Variants in METTL8 observed in about 807,000 individuals in gnomAD.
METTL8 encodes methyltransferase 8, tRNA N3-cytidine, also known as tRNA N(3)-cytidine methyltransferase METTL8, mitochondrial.
METTL8 carries 32 observed loss-of-function variants against 48.7 expected under a neutral mutation model. The ratio of observed to expected loss-of-function variants is 0.66; its 90% CI spans 0.50 to 0.88. The LOEUF is 0.88. Ranked by LOEUF, METTL8 falls within the 40% of genes least tolerant of loss-of-function variation. METTL8 has a pLI of 0.00. For synonymous variants in METTL8, 136 were observed against 157.1 expected (o/e 0.87, Z 1.01); for missense variants, 464 against 474.4 (o/e 0.98, Z 0.20).
intron 6 of METTL8, 72 bp from the exon 7 acceptor site, chr2:171,330,770 A>C: frequency 2.3e-6 from 3 of 1,302,050 alleles, no homozygotes; most frequent in South Asian, 3.0e-5. Flanking sequence ...TTTTTAAATA[A>C]AAAGGTCAAA....
chr2:171,357,700 CT>C (rs937720887), intron 3 of METTL8, among the ~76,000 whole-genome samples: 188 of 144,392 alleles, frequency 1.3e-3, no homozygotes, highest in Middle Eastern at 3.6e-3. Flanking sequence ...TTTTCTCTCT[CT>C]TTTTTTTTTT....
At chr2:171,389,839 A>G (rs977178857) in intron 2 of METTL8, among the ~76,000 whole-genome samples, 3 of 152,236 alleles carry the variant, frequency 2.0e-5, no homozygotes, top group Non-Finnish European at 4.4e-5. Context: ...AAGCTGTAGC[A>G]TCGAGTTATC....
intron 2 of METTL8, among the ~76,000 whole-genome samples, chr2:171,369,231 G>A (rs1010524516): frequency 3.3e-5 from 5 of 152,164 alleles, no homozygotes; most frequent in Admixed American, 6.6e-5. Flanking sequence ...GCATGAACCC[G>A]GCAGGCGGGG....
intron 2 of METTL8, among the ~76,000 whole-genome samples, chr2:171,361,281 A>G (rs1163928248): frequency 6.6e-6 from 1 of 150,460 alleles, no homozygotes; most frequent in Non-Finnish European, 1.5e-5. Context: ...AGGTTAGACT[A>G]TAAGCAAAGC....
chr2:171,380,687 A>T (rs968216629), intron 2 of METTL8, among the ~76,000 whole-genome samples: 3 of 152,210 alleles, frequency 2.0e-5, no homozygotes, highest in Non-Finnish European at 4.4e-5. Flanking sequence ...AATACAGCTA[A>T]CAAGGGGCAT....
intron 3 of METTL8, among the ~76,000 whole-genome samples, chr2:171,354,055 C>T (rs558249031): frequency 2.0e-5 from 3 of 152,244 alleles, no homozygotes; most frequent in African/African-American, 7.2e-5. Flanking sequence ...TTCCTAGCAT[C>T]GATGGTCTTT....
chr2:171,340,431 G>C (rs1181766012), intron 3 of METTL8, among the ~76,000 whole-genome samples: 2 of 149,466 alleles, frequency 1.3e-5, no homozygotes, highest in Non-Finnish European at 3.0e-5. Flanking sequence ...GAACCCGGGA[G>C]GAGAAATTTG....
chr2:171,363,051 G>A (rs980153753), intron 2 of METTL8, among the ~76,000 whole-genome samples: 1 of 152,174 alleles, frequency 6.6e-6, no homozygotes, highest in Non-Finnish European at 1.5e-5. Flanking sequence ...AAGAGTATAT[G>A]TGGTCTTCCG....
At chr2:171,430,174 A>C (rs745442575) in intron 1 of METTL8, among the ~76,000 whole-genome samples, 4 of 152,154 alleles carry the variant, frequency 2.6e-5, no homozygotes, top group Non-Finnish European at 4.4e-5. Flanking sequence ...CCTGGCCAAC[A>C]TGGTGAAACC....
chr2:171,319,627 G>T lies in METTL8; in HGVS notation c.*4545C>A, dbSNP rs1319289975. 1 of 152,214 alleles carries T rather than the reference G, an allele frequency of 6.6e-6. No homozygotes were observed. The highest frequency in any genetic ancestry group is 2.4e-5 in the African/African-American group (1 of 41,460). 9.4% of individuals were successfully genotyped at this position (152,214 alleles called of 1,614,324 possible). On this transcript the variant is annotated 3_prime_UTR_variant, in exon 10 of 10. Transcript: ENST00000375258. ...TCACAATTTGTAGACAAAGCATATG[G>T]AATCGAGAGAGGCAAAGCAAATAAG...
At chr2:171,416,735 T>G (rs1391846142) in intron 1 of METTL8, among the ~76,000 whole-genome samples, 1 of 152,222 alleles carries the variant, frequency 6.6e-6, no homozygotes, top group Non-Finnish European at 1.5e-5. Flanking sequence ...GAAAAGCATT[T>G]CTGTTATCAC....
intron 5 of METTL8, among the ~76,000 whole-genome samples, chr2:171,335,565 C>T (rs1685998788): frequency 6.6e-6 from 1 of 152,062 alleles, no homozygotes; most frequent in African/African-American, 2.4e-5. Flanking sequence ...GCTAGGATTA[C>T]AATTGTGCAC....
intron 3 of METTL8, among the ~76,000 whole-genome samples, chr2:171,341,124 T>TCAAGACCAGCCTGACCAA (rs1190915917): frequency 6.6e-6 from 1 of 151,680 alleles, no homozygotes; most frequent in Admixed American, 6.6e-5. Context: ...GGTCAGGAGT[T>TCAAGACCAGCCTGACCAA]CAAGACCAGC....
rs1192242078 is a variant in METTL8 at position 171,323,868 on chromosome 2, A to G, written c.*304T>C. Reference sequence around the variant, plus strand: ...AAAAAATGTCAAGTTACATTTTCTCAAAATTACTTGACATAATACTAACTT... The same window carrying G: ...AAAAAATGTCAAGTTACATTTTCTCGAAATTACTTGACATAATACTAACTT... On this transcript the variant is annotated 3_prime_UTR_variant, in exon 10 of 10. Coordinates refer to ENST00000375258, the MANE Select transcript of METTL8 (RefSeq NM_001321154.2). 4.4e-6 allele frequency: 1 copy of G among 225,022 alleles called. No individual in the cohort carries two copies. Among genetic ancestry groups the G allele is most frequent in the Non-Finnish European group, 8.6e-6 (1 of 116,830 alleles). 13.9% of individuals were successfully genotyped at this position (225,022 alleles called of 1,614,324 possible). A position where few individuals can be genotyped will look rare whatever the true frequency, so the allele number is the denominator to read the frequency against.
chr2:171,349,875 A>G (rs1038538676), intron 3 of METTL8, among the ~76,000 whole-genome samples: 4 of 152,208 alleles, frequency 2.6e-5, no homozygotes, highest in African/African-American at 7.2e-5. Context: ...GATATATAAT[A>G]GATATAAATA....
At chr2:171,362,643 A>G (rs59886446) in intron 2 of METTL8, among the ~76,000 whole-genome samples, 5,432 of 152,062 alleles carry the variant, frequency 0.036, 326 homozygotes, top group African/African-American at 0.12. Flanking sequence ...ACTGAATGAG[A>G]ATGTTTTCAG....
chr2:171,342,435 C>A (rs1414956678), intron 3 of METTL8, among the ~76,000 whole-genome samples: 1 of 151,954 alleles, frequency 6.6e-6, no homozygotes, highest in Non-Finnish European at 1.5e-5. Context: ...TTAAATATTT[C>A]TATCTCTATT....
intron 3 of METTL8, among the ~76,000 whole-genome samples, chr2:171,342,436 T>C (rs1212359686): frequency 6.6e-6 from 1 of 152,050 alleles, no homozygotes; most frequent in Non-Finnish European, 1.5e-5. Flanking sequence ...TAAATATTTC[T>C]ATCTCTATTT....
In METTL8 at chr2:171,383,052, C is replaced by T. The variant is rs188826566; in HGVS notation, c.143+8991G>A. Among the ~76,000 whole-genome samples the T allele has an allele frequency of 8.6e-4, 131 of 151,922 alleles. 2 individuals are homozygous for T. Among genetic ancestry groups the T allele is most frequent in the African/African-American group, 3.0e-3 (123 of 41,410 alleles). On this transcript the variant is annotated intron_variant, in intron 2 of 9. Transcript: ENST00000375258. ...TCGAGCCACTGCACTCCAGTCTGGG[C>T]GACAGAGCAAGACTCTGTGTGAAAA...
Sources: allele counts gnomAD v4.1 joint callset (sites outside exome capture counted in the v4.1 genomes callset), GRCh38; gene constraint gnomAD v4.1.1; transcripts MANE v1.5; gene names NCBI Gene and HGNC (gene_info 2026-07-23, HGNC 2026-07-21).